ITGA8: variants seen among roughly 807,000 people sequenced by gnomAD.
The protein encoded by ITGA8 is integrin subunit alpha 8, also known as integrin alpha-8.
In ITGA8, 91 loss-of-function variants were observed where a neutral mutation model predicts 142.3. The observed-to-expected ratio is 0.64, with a 90% confidence interval of 0.54 to 0.76. The LOEUF (loss-of-function observed/expected upper bound fraction) is 0.76, where lower values mean the gene tolerates loss of function less well. ITGA8 is among the 30% of genes least tolerant of loss of function. ITGA8 has a pLI of 0.00. For synonymous variants in ITGA8, 505 were observed against 485.2 expected (o/e 1.04, Z -0.54); for missense variants, 1,406 against 1,327.7 (o/e 1.06, Z -0.92).
At chr10:15,582,770 A>G (rs902511239) in intron 23 of ITGA8, among the ~76,000 whole-genome samples, 2 of 152,278 alleles carry the variant, frequency 1.3e-5, no homozygotes, top group African/African-American at 4.8e-5. Flanking sequence ...AAACCAACAT[A>G]AAGCACATGC....
chr10:15,545,783 C>G lies in ITGA8; in HGVS notation c.2880+2672G>C, dbSNP rs1263041000. 3.3e-5 allele frequency among the ~76,000 whole-genome samples: 5 copies of G among 151,940 alleles called. No individual in the cohort carries two copies. In the East Asian group the frequency reaches 9.6e-4, roughly 29 times the overall value. ...CCATGCCAATGTGTCTAATTCATTCCTTTTTATTACTGTGTAGTATTGCTT... is the reference window on the plus strand; with the variant it reads ...CCATGCCAATGTGTCTAATTCATTCGTTTTTATTACTGTGTAGTATTGCTT... On this transcript the variant is annotated intron_variant, in intron 27 of 29. Transcript: ENST00000378076.
chr10:15,649,480 A>G (rs1257558337), intron 11 of ITGA8, among the ~76,000 whole-genome samples: 1 of 151,774 alleles, frequency 6.6e-6, no homozygotes, highest in Non-Finnish European at 1.5e-5. Flanking sequence ...AAATACAAAA[A>G]TTAGCTGGGC....
intron 11 of ITGA8, among the ~76,000 whole-genome samples, chr10:15,653,455 A>T (rs1032665847): frequency 1.3e-5 from 2 of 152,226 alleles, no homozygotes; most frequent in Admixed American, 1.3e-4. Context: ...ACACCGTCAC[A>T]TCAGAGGGGC....
chr10:15,678,615 C>A, intron 5 of ITGA8, 107 bp downstream of exon 5: 1 of 727,670 alleles, frequency 1.4e-6, no homozygotes, highest in South Asian at 1.8e-5. Context: ...CCTCAAGATT[C>A]TTTGGTTCTT....
chr10:15,521,130 TG>T (rs1415363890), intron 28 of ITGA8, among the ~76,000 whole-genome samples: 2 of 152,164 alleles, frequency 1.3e-5, no homozygotes, highest in African/African-American at 4.8e-5. Context: ...GCAATTCTTG[TG>T]CCTTAGCCTC....
Position 15,517,040 on chromosome 10 carries a change from C to G in ITGA8, c.*118G>C. On this transcript the variant is annotated 3_prime_UTR_variant, in exon 30 of 30. Transcript: ENST00000378076. Reference sequence around the variant, plus strand: ...GATGAGGTGATGTTTCCAGGGTCCCCTCCATTTCCTGGGTCACTGTCAGGT... The same window carrying G: ...GATGAGGTGATGTTTCCAGGGTCCCGTCCATTTCCTGGGTCACTGTCAGGT... 14 of 530,966 alleles carry G rather than the reference C, an allele frequency of 2.6e-5. No homozygotes were observed. The highest frequency in any genetic ancestry group is 7.6e-5 in the South Asian group (2 of 26,284). The allele number at this position is 530,966 out of a possible 1,614,324, so 32.9% of individuals were successfully genotyped here. A position where few individuals can be genotyped will look rare whatever the true frequency, so the allele number is the denominator to read the frequency against.
chr10:15,622,176 A>G (rs894188257), intron 13 of ITGA8, among the ~76,000 whole-genome samples: 9 of 151,944 alleles, frequency 5.9e-5, no homozygotes, highest in African/African-American at 2.2e-4. Flanking sequence ...AAAACAAAAC[A>G]AAAAACAAAA....
intron 2 of ITGA8, among the ~76,000 whole-genome samples, chr10:15,689,642 G>A (rs1324658937): frequency 6.6e-6 from 1 of 152,192 alleles, no homozygotes; most frequent in Non-Finnish European, 1.5e-5. Context: ...AGCAGCTACT[G>A]CACTGAGCCA....
chr10:15,661,344 A>C (rs767743621), intron 8 of ITGA8, among the ~76,000 whole-genome samples: 22 of 152,152 alleles, frequency 1.4e-4, no homozygotes, highest in Non-Finnish European at 2.9e-5. Context: ...GTTTCATCCC[A>C]AAACCATCCC....
intron 11 of ITGA8, among the ~76,000 whole-genome samples, chr10:15,650,117 A>G (rs1372943504): frequency 3.9e-5 from 6 of 152,224 alleles, no homozygotes; most frequent in Non-Finnish European, 8.8e-5. Flanking sequence ...TGGGCTATCA[A>G]GCCATCAAAA....
intron 23 of ITGA8, among the ~76,000 whole-genome samples, chr10:15,579,286 T>C (rs1365876621): frequency 6.6e-6 from 1 of 152,118 alleles, no homozygotes; most frequent in Admixed American, 6.6e-5. Context: ...TGCTTTCGTA[T>C]GAGAAACCCA....
intron 9 of ITGA8, 80 bp downstream of exon 9, chr10:15,660,799 G>T: frequency 8.9e-7 from 1 of 1,129,330 alleles, no homozygotes; most frequent in Non-Finnish European, 1.3e-6. Context: ...ATTTATGATG[G>T]GTTTATTCAG....
intron 9 of ITGA8, among the ~76,000 whole-genome samples, chr10:15,660,340 C>T (rs948844167): frequency 6.6e-6 from 1 of 152,134 alleles, no homozygotes; most frequent in African/African-American, 2.4e-5. Context: ...CACTAGGTCT[C>T]ATCAGTTAAG....
chr10:15,599,377 T>C (rs1474664332), intron 20 of ITGA8, among the ~76,000 whole-genome samples: 1 of 152,178 alleles, frequency 6.6e-6, no homozygotes, highest in Non-Finnish European at 1.5e-5. Context: ...GTGTACCCAC[T>C]ATTTACCAGG....
chr10:15,708,923 A>T (rs1223315122), intron 2 of ITGA8, among the ~76,000 whole-genome samples: 3 of 152,158 alleles, frequency 2.0e-5, no homozygotes, highest in Non-Finnish European at 4.4e-5. Context: ...CTCCCTATCA[A>T]ATCACACTGA....
Position 15,686,949 on chromosome 10 carries a change from G to A in ITGA8, c.444+989C>T, listed in dbSNP as rs934560687. Among the ~76,000 whole-genome samples the A allele has an allele frequency of 4.6e-5, 7 of 152,082 alleles. No individual in the cohort carries two copies. The East Asian group carries it at 1.3e-3, about 29-fold the overall frequency. On this transcript the variant is annotated intron_variant, in intron 3 of 29. Coordinates refer to ENST00000378076, the MANE Select transcript of ITGA8 (RefSeq NM_003638.3). Reference sequence around the variant, plus strand: ...AAACAGTATCCAAAAGATTTTTAAAGCCCCAAACAGTTATTACAGAGTTAA... The same window carrying A: ...AAACAGTATCCAAAAGATTTTTAAAACCCCAAACAGTTATTACAGAGTTAA...
intron 27 of ITGA8, among the ~76,000 whole-genome samples, chr10:15,547,706 G>A (rs922230066): frequency 1.2e-4 from 19 of 152,216 alleles, no homozygotes; most frequent in African/African-American, 4.6e-4. Context: ...TGGCTGAGGT[G>A]CTGTCCTGGT....
chr10:15,686,748 T>C (rs1660163531), intron 3 of ITGA8, among the ~76,000 whole-genome samples: 1 of 152,230 alleles, frequency 6.6e-6, no homozygotes, highest in African/African-American at 2.4e-5. Flanking sequence ...CTCTGTATTA[T>C]CCTATTTCCC....
At chr10:15,536,211 G>GT (rs1441839946) in intron 27 of ITGA8, among the ~76,000 whole-genome samples, 1 of 152,054 alleles carries the variant, frequency 6.6e-6, no homozygotes, top group African/African-American at 2.4e-5. Context: ...CAAACAGCCT[G>GT]TAACACCACC....
Sources: allele counts gnomAD v4.1 joint callset (sites outside exome capture counted in the v4.1 genomes callset), GRCh38; gene constraint gnomAD v4.1.1; transcripts MANE v1.5; gene names NCBI Gene and HGNC (gene_info 2026-07-23, HGNC 2026-07-21).